SBF2: variants seen among roughly 807,000 people sequenced by gnomAD.
The protein encoded by SBF2 is myotubularin-related protein 13.
Under a neutral mutation model 225.2 loss-of-function variants are expected in SBF2, and 112 were observed. That is an observed-to-expected ratio of 0.50 (90% CI 0.43 to 0.58). The LOEUF is 0.58. SBF2 is among the 20% of genes least tolerant of loss of function. The probability of loss-of-function intolerance (pLI) is 0.00; values close to 1 mark genes in which losing one functional copy is unlikely to be tolerated. For synonymous variants in SBF2, 763 were observed against 773.3 expected, an observed-to-expected ratio of 0.99 and a Z score of 0.22; for missense variants, 1,996 against 2,206.2, an observed-to-expected ratio of 0.90 and a Z score of 1.91.
At chr11:10,219,392 G>A (rs758141460) in intron 1 of SBF2, among the ~76,000 whole-genome samples, 2 of 152,166 alleles carry the variant, frequency 1.3e-5, no homozygotes, top group Non-Finnish European at 2.9e-5. Context: ...ACAGCAGGGG[G>A]GCCCTGGGCC....
chr11:9,792,135 T>TA (rs1852783241), intron 33 of SBF2, among the ~76,000 whole-genome samples: 1 of 152,172 alleles, frequency 6.6e-6, no homozygotes, highest in Non-Finnish European at 1.5e-5. Context: ...GATAAAATCT[T>TA]AAAAATTATG....
At chr11:10,133,569 A>C (rs571744395) in intron 2 of SBF2, among the ~76,000 whole-genome samples, 1 of 135,966 alleles carries the variant, frequency 7.4e-6, no homozygotes, top group East Asian at 2.2e-4. Flanking sequence ...CCCATTGCCC[A>C]GGGCCAGCAG....
intron 17 of SBF2, among the ~76,000 whole-genome samples, chr11:9,878,276 G>C (rs1189731587): frequency 1.3e-5 from 2 of 152,046 alleles, no homozygotes; most frequent in African/African-American, 4.8e-5. Flanking sequence ...TAAGTTCTTT[G>C]TGGATTCTGG....
intron 1 of SBF2, among the ~76,000 whole-genome samples, chr11:10,196,876 T>C (rs540984159): frequency 1.1e-4 from 13 of 119,100 alleles, no homozygotes; most frequent in African/African-American, 3.6e-4. Flanking sequence ...ATTTTTTTTT[T>C]CCTACAAAAT....
intron 13 of SBF2, among the ~76,000 whole-genome samples, chr11:9,972,216 T>A (rs971276288): frequency 6.6e-6 from 1 of 152,146 alleles, no homozygotes; most frequent in Non-Finnish European, 1.5e-5. Context: ...AAGGTTCTTA[T>A]GAGTATTGAA....
chr11:10,206,998 G>A (rs537669468), intron 1 of SBF2, among the ~76,000 whole-genome samples: 1 of 151,982 alleles, frequency 6.6e-6, no homozygotes, highest in African/African-American at 2.4e-5. Context: ...AAGAAGTTGC[G>A]TGACTCTCAT....
chr11:9,790,534 C>G, intron 34 of SBF2, 22 bp downstream of exon 34: 1 of 1,567,296 alleles, frequency 6.4e-7, no homozygotes, highest in Non-Finnish European at 8.7e-7. Flanking sequence ...GAAAGTGAAA[C>G]ATAAATGATT....
chr11:10,133,951 A>T (rs1365688193), intron 2 of SBF2, among the ~76,000 whole-genome samples: 1 of 152,242 alleles, frequency 6.6e-6, no homozygotes, highest in Non-Finnish European at 1.5e-5. Context: ...AGTGATAGCA[A>T]TGATAGGAAC....
At position 10,230,627 on chromosome 11, in the gene SBF2, T is replaced by C. The variant is rs137986192; in HGVS notation, c.56-36640A>G. On this transcript the variant is annotated intron_variant, in intron 1 of 39. Transcript: ENST00000256190. ...TGAAAATTCTTTTCTTTAAGAATGT[T>C]GAATGTTGGCCCTCAGTTTCTTTTG... 1.2e-4 allele frequency among the ~76,000 whole-genome samples: 19 copies of C among 152,362 alleles called. 1 individual carries two copies. The highest frequency in any genetic ancestry group is 4.1e-4 in the African/African-American group (17 of 41,586).
chr11:10,132,301 G>A (rs1248031324), intron 2 of SBF2, among the ~76,000 whole-genome samples: 4 of 152,106 alleles, frequency 2.6e-5, no homozygotes, highest in South Asian at 2.1e-4. Flanking sequence ...TTGTAATTTC[G>A]TGAACGACAG....
chr11:9,837,176 C>G (rs796741529), intron 26 of SBF2, among the ~76,000 whole-genome samples: 11 of 152,134 alleles, frequency 7.2e-5, no homozygotes, highest in African/African-American at 2.7e-4. Context: ...AGAGAAAAAG[C>G]TTTTAATATT....
chr11:9,855,548 T>C (rs1460029680), intron 19 of SBF2, among the ~76,000 whole-genome samples: 5 of 152,180 alleles, frequency 3.3e-5, no homozygotes, highest in African/African-American at 1.2e-4. Flanking sequence ...TACTGTTGGG[T>C]TGATAAGTTC....
At chr11:10,284,908 C>A (rs1263279393) in intron 1 of SBF2, among the ~76,000 whole-genome samples, 2 of 147,894 alleles carry the variant, frequency 1.4e-5, no homozygotes, top group South Asian at 2.2e-4. Flanking sequence ...CCAACTGCAC[C>A]CAGCTGACAA....
At chr11:10,277,549 T>C (rs1392870299) in intron 1 of SBF2, among the ~76,000 whole-genome samples, 3 of 152,198 alleles carry the variant, frequency 2.0e-5, no homozygotes, top group South Asian at 2.1e-4. Context: ...GTGAGTTGAA[T>C]AGCGTTGTCC....
intron 16 of SBF2, among the ~76,000 whole-genome samples, chr11:9,956,054 C>T (rs1866145499): frequency 6.6e-6 from 1 of 151,628 alleles, no homozygotes; most frequent in African/African-American, 2.4e-5. Flanking sequence ...TATTTTTGTA[C>T]AGAATTATCT....
intron 16 of SBF2, chr11:9,960,173 A>G (rs1418355616): frequency 6.5e-6 from 1 of 154,904 alleles, no homozygotes; most frequent in South Asian, 2.0e-4. Flanking sequence ...AGTTCTTGTA[A>G]TCGGAGCATT....
intron 17 of SBF2, among the ~76,000 whole-genome samples, chr11:9,892,364 C>T (rs1432916013): frequency 6.6e-6 from 1 of 151,652 alleles, no homozygotes; most frequent in African/African-American, 2.4e-5. Context: ...AGTGATCCAC[C>T]ACCAAAAAAA....
At chr11:10,122,373 T>A (rs1335392746) in intron 2 of SBF2, among the ~76,000 whole-genome samples, 3 of 151,798 alleles carry the variant, frequency 2.0e-5, no homozygotes, top group Admixed American at 1.3e-4. Context: ...AGGGTGGGAG[T>A]CTTCGAACAT....
chr11:9,890,644 G>T (rs918075542), intron 17 of SBF2, among the ~76,000 whole-genome samples: 4 of 152,162 alleles, frequency 2.6e-5, no homozygotes, highest in African/African-American at 9.7e-5. Flanking sequence ...GGCTATAAGG[G>T]TACCAAAGGA....
Sources: gnomAD v4.1 joint callset for allele counts (sites outside exome capture counted in the v4.1 genomes callset) on GRCh38, gnomAD v4.1.1 for gene constraint, MANE v1.5 for transcripts, NCBI Gene and HGNC (gene_info 2026-07-23, HGNC 2026-07-21) for gene names.